Variants in EFNA5 observed in about 807,000 individuals in gnomAD.
EFNA5 encodes the protein ephrin-A5.
A neutral mutation model predicts 22.9 loss-of-function variants in EFNA5; 5 were observed. The observed-to-expected ratio is 0.22, with a 90% CI of 0.11 to 0.46. The LOEUF (loss-of-function observed/expected upper bound fraction) is 0.46. Among genes scored for constraint, EFNA5 ranks in the 20% least tolerant of loss-of-function variants. The pLI is 0.99. For missense variants in EFNA5, 237 were observed against 293.3 expected (o/e 0.81, Z 1.40); for synonymous variants, 113 against 112.2 (o/e 1.01, Z -0.04).
At chr5:107,589,677 TATC>T (rs755377400) in intron 1 of EFNA5, among the ~76,000 whole-genome samples, 2 of 152,186 alleles carry the variant, frequency 1.3e-5, no homozygotes, top group Non-Finnish European at 2.9e-5. Context: ...TTTGTTATTT[TATC>T]ATCATCATAA....
In EFNA5 at chr5:107,467,150, C is replaced by T. The variant is rs556531337; in HGVS notation, c.126-39641G>A. Among the ~76,000 whole-genome samples the T allele has an allele frequency of 1.5e-4, 23 of 152,062 alleles. 1 individual carries two copies. The South Asian group carries it at 4.4e-3, about 29-fold the overall frequency. On this transcript the variant is annotated intron_variant, in intron 1 of 4. Transcript: ENST00000333274. ...AATGGTGGAATTTTAGACAACATGC[C>T]AAGTGGAGGGGCCATCTCAGCATCT...
chr5:107,606,824 T>C (rs778145418), intron 1 of EFNA5, among the ~76,000 whole-genome samples: 5 of 152,180 alleles, frequency 3.3e-5, no homozygotes, highest in Non-Finnish European at 7.3e-5. Flanking sequence ...ATACAGACTT[T>C]ACAGATCAAT....
At chr5:107,492,868 G>A (rs191866058) in intron 1 of EFNA5, among the ~76,000 whole-genome samples, 4 of 151,950 alleles carry the variant, frequency 2.6e-5, no homozygotes, top group South Asian at 2.1e-4. Context: ...GTGTGGTGGC[G>A]GGCACCTGTA....
chr5:107,610,357 G>A (rs183630368), intron 1 of EFNA5, among the ~76,000 whole-genome samples: 27 of 152,302 alleles, frequency 1.8e-4, no homozygotes, highest in Admixed American at 3.3e-4. Flanking sequence ...CGGCGCACCC[G>A]CCCCGCTTGA....
intron 1 of EFNA5, among the ~76,000 whole-genome samples, chr5:107,427,863 T>C (rs1748847512): frequency 6.6e-6 from 1 of 152,152 alleles, no homozygotes; most frequent in Non-Finnish European, 1.5e-5. Flanking sequence ...AAATCATATA[T>C]TAAAACAAAG....
chr5:107,581,931 C>T (rs1749081980), intron 1 of EFNA5, among the ~76,000 whole-genome samples: 1 of 152,128 alleles, frequency 6.6e-6, no homozygotes. Context: ...ACATCAAATG[C>T]AAAGAAGTAA....
intron 1 of EFNA5, among the ~76,000 whole-genome samples, chr5:107,491,082 G>C (rs112760049): frequency 6.6e-6 from 1 of 152,180 alleles, no homozygotes; most frequent in African/African-American, 2.4e-5. Context: ...GAATTAGAGA[G>C]CACATGTGTT....
chr5:107,531,919 A>G (rs1337053403), intron 1 of EFNA5, among the ~76,000 whole-genome samples: 1 of 152,228 alleles, frequency 6.6e-6, no homozygotes, highest in East Asian at 1.9e-4. Context: ...TCTACAAATT[A>G]TCAACTGCAA....
At position 107,516,043 on chromosome 5, in the gene EFNA5, C is replaced by T. The variant is rs13172140; in HGVS notation, c.126-88534G>A. ...TTTTTGAGACACAGTCTCACACTGT[C>T]GCCCACGCTGAAGCGCAGTGGTATA... is the stretch of plus-strand genomic sequence containing the variant. On this transcript the variant is annotated intron_variant, in intron 1 of 4. Coordinates refer to ENST00000333274, the MANE Select transcript of EFNA5 (RefSeq NM_001962.3). 9.0e-3 allele frequency among the ~76,000 whole-genome samples: 1,367 copies of T among 152,246 alleles called. 23 individuals carry two copies. Among genetic ancestry groups the T allele is most frequent in the Admixed American group, 9.2e-3 (141 of 15,296 alleles).
At chr5:107,628,423 TCAAAA>T (rs1034543084) in intron 1 of EFNA5, among the ~76,000 whole-genome samples, 4 of 152,098 alleles carry the variant, frequency 2.6e-5, no homozygotes, top group African/African-American at 9.7e-5. Context: ...AAAATGAAAC[TCAAAA>T]CAAAAAGTAC....
At chr5:107,620,065 A>C (rs758328344) in intron 1 of EFNA5, among the ~76,000 whole-genome samples, 32 of 152,368 alleles carry the variant, frequency 2.1e-4, no homozygotes, top group Non-Finnish European at 3.8e-4. Context: ...TAGGAGATAC[A>C]GAGTGCCTTA....
At chr5:107,509,306 T>C (rs1747315993) in intron 1 of EFNA5, among the ~76,000 whole-genome samples, 1 of 151,660 alleles carries the variant, frequency 6.6e-6, no homozygotes, top group African/African-American at 2.4e-5. Context: ...GTGTCAACTC[T>C]TTTTCTTTTC....
intron 1 of EFNA5, among the ~76,000 whole-genome samples, chr5:107,601,216 T>A (rs1050413603): frequency 5.9e-5 from 9 of 152,218 alleles, no homozygotes; most frequent in Non-Finnish European, 1.0e-4. Context: ...AGGGAGGAGA[T>A]CTTTGACTGT....
chr5:107,498,558 C>T (rs979242008), intron 1 of EFNA5, among the ~76,000 whole-genome samples: 2 of 152,226 alleles, frequency 1.3e-5, no homozygotes, highest in African/African-American at 4.8e-5. Context: ...GATAGTGCCA[C>T]AATGGACAAA....
At chr5:107,555,707 G>A (rs11950725) in intron 1 of EFNA5, among the ~76,000 whole-genome samples, 18,340 of 152,162 alleles carry the variant, frequency 0.12, 1,155 homozygotes, top group South Asian at 0.15. Context: ...ATCTGATTTT[G>A]CTACAACTGT....
chr5:107,433,697 C>A (rs1028478916), intron 1 of EFNA5, among the ~76,000 whole-genome samples: 1 of 151,940 alleles, frequency 6.6e-6, no homozygotes, highest in Admixed American at 6.6e-5. Flanking sequence ...GGAGTTTGAG[C>A]CAGCCTGGGC....
At chr5:107,537,709 G>A (rs1747957055) in intron 1 of EFNA5, among the ~76,000 whole-genome samples, 1 of 152,194 alleles carries the variant, frequency 6.6e-6, no homozygotes, top group Non-Finnish European at 1.5e-5. Flanking sequence ...GTTCAAAAAG[G>A]TAGAGTGCTT....
Position 107,670,772 on chromosome 5 carries a change from C to T in EFNA5, c.-159G>A. On this transcript the variant is annotated 5_prime_UTR_variant, in exon 1 of 5. Transcript: ENST00000333274. The stretch of plus-strand genomic sequence containing the variant: ...GGCGAGAAAGGAAAGAGGCGCCCAC[C>T]AAGCTGGGGAGGGGTAGGAGAGCGA... 9.8e-7 allele frequency: 1 copy of T among 1,016,404 alleles called. No homozygotes were observed. Among genetic ancestry groups the T allele is most frequent in the South Asian group, 1.6e-5 (1 of 62,854 alleles). 63.0% of individuals were successfully genotyped at this position (1,016,404 alleles called of 1,614,324 possible).
Position 107,427,505 on chromosome 5 carries a change from G to T in EFNA5, c.130C>A (p.Gln44Lys), listed in dbSNP as rs1419224113. 6.3e-7 allele frequency: 1 copy of T among 1,579,938 alleles called. No individual in the cohort carries two copies. The highest frequency in any genetic ancestry group is 8.6e-7 in the Non-Finnish European group (1 of 1,164,144). ...VYWNSSNPRFQRGDYHIDVCI... is the reference protein window; with the variant it reads ...VYWNSSNPRFKRGDYHIDVCI... ...ACATCAATATGGTAGTCACCCCTCT[G>T]GAATCTGTTAGAAAAAGAAAAAAAA... Residue 44 changes from glutamine (Q) to lysine (K), a missense_variant, in exon 2 of 5, where the codon CAG becomes AAG. Gln to Lys is a moderately conservative substitution (Grantham distance 53, BLOSUM62 1). This residue lies in a region of EFNA5 where 120 missense variants were observed against 140.5 expected (regional missense o/e 0.85). Transcript: ENST00000333274.
Sources: allele counts gnomAD v4.1 joint callset (sites outside exome capture counted in the v4.1 genomes callset), GRCh38; gene constraint gnomAD v4.1.1; regional missense constraint gnomAD v4.1.1; transcripts MANE v1.5; gene names NCBI Gene and HGNC (gene_info 2026-07-23, HGNC 2026-07-21).